The following PTPRD variants were observed in gnomAD, a reference collection of about 807,000 sequenced individuals.
The protein encoded by PTPRD is receptor-type tyrosine-protein phosphatase delta.
PTPRD carries 34 observed loss-of-function variants against 214.5 expected under a neutral mutation model. The ratio of observed to expected loss-of-function variants is 0.16; its 90% CI spans 0.12 to 0.21. The LOEUF (loss-of-function observed/expected upper bound fraction) is 0.21, where lower values mean the gene tolerates loss of function less well. Among genes scored for constraint, PTPRD ranks in the 10% least tolerant of loss-of-function variants. PTPRD has a pLI of 1.00. For synonymous variants in PTPRD, 1,128 were observed against 845.7 expected, an observed-to-expected ratio of 1.33 and a Z score of -5.79; for missense variants, 2,545 against 2,398.7, an observed-to-expected ratio of 1.06 and a Z score of -1.27.
intron 2 of PTPRD, among the ~76,000 whole-genome samples, chr9:10,594,106 C>T (rs1426738390): frequency 6.6e-6 from 1 of 151,932 alleles, no homozygotes; most frequent in African/African-American, 2.4e-5. Context: ...ATTTCAGTTG[C>T]TTTCCCCTTC....
At chr9:9,187,910 G>A (rs1394749246) in intron 9 of PTPRD, among the ~76,000 whole-genome samples, 1 of 151,582 alleles carries the variant, frequency 6.6e-6, no homozygotes, top group Non-Finnish European at 1.5e-5. Flanking sequence ...ACTAAATTAA[G>A]AGATAATTTA....
intron 3 of PTPRD, among the ~76,000 whole-genome samples, chr9:10,272,075 T>C (rs116850908): frequency 0.011 from 1,733 of 152,274 alleles, 17 homozygotes; most frequent in Non-Finnish European, 0.016. Context: ...CCCATACTCT[T>C]TAACAGTCAC....
At chr9:8,506,666 T>G (rs989607463) in intron 22 of PTPRD, among the ~76,000 whole-genome samples, 2 of 150,110 alleles carry the variant, frequency 1.3e-5, no homozygotes, top group Non-Finnish European at 3.0e-5. Context: ...GCATTATTGA[T>G]GGTGAAACCC....
At chr9:9,656,047 G>C (rs2096504164) in intron 7 of PTPRD, among the ~76,000 whole-genome samples, 2 of 152,290 alleles carry the variant, frequency 1.3e-5, no homozygotes, top group East Asian at 1.9e-4. Context: ...ATGACATTAA[G>C]AAAGTGAAAA....
At chr9:10,421,567 T>A (rs914076282) in intron 2 of PTPRD, among the ~76,000 whole-genome samples, 4 of 151,864 alleles carry the variant, frequency 2.6e-5, no homozygotes, top group Non-Finnish European at 1.5e-5. Flanking sequence ...GATTTTACTG[T>A]CCAATTTTAT....
At chr9:10,590,632 G>A (rs2075197413) in intron 2 of PTPRD, among the ~76,000 whole-genome samples, 1 of 151,900 alleles carries the variant, frequency 6.6e-6, no homozygotes, top group Non-Finnish European at 1.5e-5. Context: ...TCATTCTTGA[G>A]TGTATCAGTA....
At chr9:9,868,169 C>G (rs1165814288) in intron 5 of PTPRD, among the ~76,000 whole-genome samples, 1 of 151,898 alleles carries the variant, frequency 6.6e-6, no homozygotes, top group Non-Finnish European at 1.5e-5. Context: ...GTGAGTAGAA[C>G]AAAAATAGTT....
intron 44 of PTPRD, among the ~76,000 whole-genome samples, chr9:8,331,245 G>C (rs909284522): frequency 6.6e-6 from 1 of 151,934 alleles, no homozygotes; most frequent in Admixed American, 6.6e-5. Flanking sequence ...TCAGTGCATT[G>C]CTATGAAAGC....
intron 8 of PTPRD, among the ~76,000 whole-genome samples, chr9:9,516,899 T>A (rs918587021): frequency 2.6e-5 from 4 of 152,062 alleles, no homozygotes; most frequent in Admixed American, 1.3e-4. Flanking sequence ...ATTAAACATA[T>A]TTATGGACTC....
chr9:9,266,147 C>T (rs910642455), intron 9 of PTPRD, among the ~76,000 whole-genome samples: 1 of 151,278 alleles, frequency 6.6e-6, no homozygotes, highest in Non-Finnish European at 1.5e-5. Flanking sequence ...CAAAGAAAGT[C>T]ATTTTATAAT....
chr9:10,347,498 C>A (rs1265365180), intron 2 of PTPRD, among the ~76,000 whole-genome samples: 1 of 150,066 alleles, frequency 6.7e-6, no homozygotes, highest in Non-Finnish European at 1.5e-5. Flanking sequence ...GCAACCTCTG[C>A]CCCCTGGGTT....
chr9:8,417,303 AC>A (rs1245097972), intron 35 of PTPRD, among the ~76,000 whole-genome samples: 2 of 152,158 alleles, frequency 1.3e-5, no homozygotes, highest in Non-Finnish European at 1.5e-5. Context: ...TACACACCCA[AC>A]AGTGCTGCCC....
chr9:10,450,306 C>T (rs78447905), intron 2 of PTPRD, among the ~76,000 whole-genome samples: 11,456 of 151,716 alleles, frequency 0.076, 861 homozygotes, highest in East Asian at 0.41. Context: ...GATTATTATG[C>T]ACATAACTGT....
intron 5 of PTPRD, among the ~76,000 whole-genome samples, chr9:9,792,962 G>C (rs1312323765): frequency 1.3e-5 from 2 of 152,018 alleles, no homozygotes; most frequent in Non-Finnish European, 2.9e-5. Flanking sequence ...CAGGTATTTT[G>C]AATAATCAAC....
At chr9:9,129,232 A>T (rs1415009659) in intron 10 of PTPRD, among the ~76,000 whole-genome samples, 1 of 152,158 alleles carries the variant, frequency 6.6e-6, no homozygotes, top group Non-Finnish European at 1.5e-5. Context: ...TCTACTAAAA[A>T]TACCAAAATT....
intron 22 of PTPRD, among the ~76,000 whole-genome samples, chr9:8,504,967 C>A (rs919607435): frequency 1.3e-5 from 2 of 152,114 alleles, no homozygotes; most frequent in Non-Finnish European, 2.9e-5. Flanking sequence ...TAAAATATCA[C>A]GTTAGTCACT....
chr9:8,396,909 A>C (rs906736275), intron 36 of PTPRD, among the ~76,000 whole-genome samples: 1 of 152,174 alleles, frequency 6.6e-6, no homozygotes, highest in South Asian at 2.1e-4. Flanking sequence ...ATTCACTGCT[A>C]CTCAAAAAAA....
At chr9:9,775,975 A>AAAAAAAAAAT (rs2098795630) in intron 5 of PTPRD, among the ~76,000 whole-genome samples, 1 of 151,210 alleles carries the variant, frequency 6.6e-6, no homozygotes, top group Non-Finnish European at 1.5e-5. Flanking sequence ...AAAAAAAAAA[A>AAAAAAAAAAT]AAAAGCAAAT....
At chr9:9,980,777 A>G (rs2095518785) in intron 4 of PTPRD, among the ~76,000 whole-genome samples, 1 of 152,078 alleles carries the variant, frequency 6.6e-6, no homozygotes, top group African/African-American at 2.4e-5. Context: ...AAGGTCGCAA[A>G]AAAGCCAGAA....
Sources: allele counts gnomAD v4.1 joint callset (sites outside exome capture counted in the v4.1 genomes callset), GRCh38; gene constraint gnomAD v4.1.1; transcripts MANE v1.5; gene names NCBI Gene and HGNC (gene_info 2026-07-23, HGNC 2026-07-21).